Variants in STAG1 observed in about 807,000 individuals in gnomAD.
The protein encoded by STAG1 is STAG1 cohesin complex component.
Under a neutral mutation model 170.9 loss-of-function variants are expected in STAG1, and 26 were observed. The observed-to-expected ratio is 0.15, with a 90% CI of 0.11 to 0.21. STAG1 has a LOEUF of 0.21. Among genes scored for constraint, STAG1 ranks in the 10% least tolerant of loss-of-function variants. The pLI is 1.00. For synonymous variants in STAG1, 514 were observed against 497.7 expected, an observed-to-expected ratio of 1.03 and a Z score of -0.44; for missense variants, 964 against 1,509.5, an observed-to-expected ratio of 0.64 and a Z score of 5.99.
At chr3:136,611,658 CTTT>C (rs760493827) in intron 3 of STAG1, among the ~76,000 whole-genome samples, 3 of 72,564 alleles carry the variant, frequency 4.1e-5, no homozygotes, top group Non-Finnish European at 5.3e-5. Flanking sequence ...CCACACCCAG[CTTT>C]TTTTTTTTTT....
intron 1 of STAG1, among the ~76,000 whole-genome samples, chr3:136,711,565 A>G (rs77213503): frequency 4.9e-5 from 3 of 61,196 alleles, no homozygotes; most frequent in Non-Finnish European, 1.0e-4. Flanking sequence ...TGTTTCAAGG[A>G]AAAAAAAAAA....
At chr3:136,702,582 C>T (rs1277482597) in intron 1 of STAG1, among the ~76,000 whole-genome samples, 3 of 151,968 alleles carry the variant, frequency 2.0e-5, no homozygotes, top group Non-Finnish European at 4.4e-5. Flanking sequence ...GATGGGTTTT[C>T]ACCATGTCGG....
intron 1 of STAG1, among the ~76,000 whole-genome samples, chr3:136,711,627 G>A (rs1943384966): frequency 6.6e-6 from 1 of 152,016 alleles, no homozygotes; most frequent in Non-Finnish European, 1.5e-5. Context: ...CTCAATAAAT[G>A]AGGCAGTGAT....
At chr3:136,386,268 G>A (rs1428026522) in intron 22 of STAG1, among the ~76,000 whole-genome samples, 1 of 152,176 alleles carries the variant, frequency 6.6e-6, no homozygotes, top group East Asian at 1.9e-4. Context: ...GAACCCAGGA[G>A]GCGGAGGTTG....
At chr3:136,463,691 A>C (rs2089339269) in intron 13 of STAG1, among the ~76,000 whole-genome samples, 1 of 145,254 alleles carries the variant, frequency 6.9e-6, no homozygotes, top group East Asian at 2.1e-4. Flanking sequence ...CAGCCTGGGC[A>C]AGACAGCAAG....
At chr3:136,395,571 A>G (rs1218840289) in intron 22 of STAG1, among the ~76,000 whole-genome samples, 1 of 152,178 alleles carries the variant, frequency 6.6e-6, no homozygotes, top group Non-Finnish European at 1.5e-5. Context: ...CAGTGAGTCA[A>G]GATTGCACCA....
At chr3:136,478,819 C>A (rs914144426) in intron 9 of STAG1, among the ~76,000 whole-genome samples, 1 of 152,078 alleles carries the variant, frequency 6.6e-6, no homozygotes, top group Non-Finnish European at 1.5e-5. Context: ...AACATAGTGG[C>A]TAAAAGTACA....
At chr3:136,729,908 A>C in intron 1 of STAG1, among the ~76,000 whole-genome samples, 1 of 43,174 alleles carries the variant, frequency 2.3e-5, no homozygotes, top group African/African-American at 7.9e-5. Context: ...TTTTTTTTTG[A>C]GACAGAGTCT....
chr3:136,586,769 G>C, intron 4 of STAG1: 3 of 445,868 alleles, frequency 6.7e-6, no homozygotes, highest in South Asian at 3.2e-5. Context: ...GGGGAAGCAA[G>C]CATCCAGCTA....
chr3:136,746,630 ACC>A (rs1934947548), intron 1 of STAG1, among the ~76,000 whole-genome samples: 1 of 152,060 alleles, frequency 6.6e-6, no homozygotes, highest in Admixed American at 6.6e-5. Flanking sequence ...CACCAATAAT[ACC>A]CCTACTCTGA....
At chr3:136,627,390 T>C (rs1472930875) in intron 2 of STAG1, among the ~76,000 whole-genome samples, 1 of 152,200 alleles carries the variant, frequency 6.6e-6, no homozygotes, top group African/African-American at 2.4e-5. Context: ...TATTTAGGCT[T>C]TTGCATCTCT....
In STAG1 at chr3:136,656,617, T is replaced by TTGTG. The variant is rs71157397; in HGVS notation, c.-83-25640_-83-25637dup. On this transcript the variant is annotated intron_variant, in intron 1 of 33. Coordinates refer to ENST00000383202, the MANE Select transcript of STAG1 (RefSeq NM_005862.3). The stretch of plus-strand genomic sequence containing the variant: ...ATAAACGTGTGCTCTCTGTATTTAT[T>TTGTG]TGTGTGTGTGTGTGTGTGTGTGTGT... 2.8e-3 allele frequency among the ~76,000 whole-genome samples: 398 copies of TTGTG among 143,384 alleles called. 2 individuals are homozygous for TTGTG. Among genetic ancestry groups the TTGTG allele is most frequent in the Middle Eastern group, 7.0e-3 (2 of 284 alleles). 94.1% of individuals were successfully genotyped at this position (143,384 alleles called of 152,430 possible).
At chr3:136,582,809 A>G (rs1937619934) in intron 4 of STAG1, among the ~76,000 whole-genome samples, 1 of 152,204 alleles carries the variant, frequency 6.6e-6, no homozygotes, top group Non-Finnish European at 1.5e-5. Flanking sequence ...AAAAAAATAA[A>G]TAAATAAAAT....
intron 22 of STAG1, among the ~76,000 whole-genome samples, chr3:136,381,010 T>A (rs1161327372): frequency 3.6e-5 from 4 of 111,612 alleles, no homozygotes; most frequent in Admixed American, 1.1e-4. Context: ...GGAGACAGAG[T>A]AAGACCCTGT....
At chr3:136,638,673 C>T (rs985500268) in intron 1 of STAG1, among the ~76,000 whole-genome samples, 7 of 152,018 alleles carry the variant, frequency 4.6e-5, no homozygotes, top group Non-Finnish European at 7.4e-5. Flanking sequence ...GAGGCCTAGG[C>T]GGACAGATCA....
At chr3:136,492,802 GAA>G (rs1028668119) in intron 9 of STAG1, among the ~76,000 whole-genome samples, 2 of 152,216 alleles carry the variant, frequency 1.3e-5, no homozygotes, top group African/African-American at 2.4e-5. Flanking sequence ...AAGTAAATTA[GAA>G]GACAGTAAGT....
chr3:136,718,820 G>T (rs1017255930), intron 1 of STAG1, among the ~76,000 whole-genome samples: 1 of 151,952 alleles, frequency 6.6e-6, no homozygotes, highest in Non-Finnish European at 1.5e-5. Context: ...CCAGCTACTC[G>T]GGAGGCTGAT....
At chr3:136,401,284 A>G (rs1236161433) in intron 21 of STAG1, among the ~76,000 whole-genome samples, 1 of 152,222 alleles carries the variant, frequency 6.6e-6, no homozygotes, top group Non-Finnish European at 1.5e-5. Context: ...TGTGGTAAAA[A>G]ACCTATCCAA....
intron 21 of STAG1, among the ~76,000 whole-genome samples, chr3:136,417,067 G>A (rs1285656418): frequency 2.6e-5 from 4 of 151,894 alleles, no homozygotes; most frequent in Non-Finnish European, 5.9e-5. Context: ...GGCTGGTCTC[G>A]AACTTCTGAC....
Sources: allele counts gnomAD v4.1 joint callset (sites outside exome capture counted in the v4.1 genomes callset), GRCh38; gene constraint gnomAD v4.1.1; transcripts MANE v1.5; gene names NCBI Gene and HGNC (gene_info 2026-07-23, HGNC 2026-07-21).